Variants in RIMS2 observed in about 807,000 individuals in gnomAD.
RIMS2 encodes the protein regulating synaptic membrane exocytosis protein 2.
A neutral mutation model predicts 174.4 loss-of-function variants in RIMS2; 59 were observed. That is an observed-to-expected ratio of 0.34 (90% confidence interval 0.27 to 0.42). RIMS2 has a LOEUF of 0.42. Among genes scored for constraint, RIMS2 ranks in the 10% least tolerant of loss-of-function variants. The probability of loss-of-function intolerance (pLI) is 1.00; values close to 1 mark genes in which losing one functional copy is unlikely to be tolerated. For missense variants in RIMS2, 1,620 were observed against 1,666.3 expected, an observed-to-expected ratio of 0.97 and a Z score of 0.48; for synonymous variants, 606 against 572.5, an observed-to-expected ratio of 1.06 and a Z score of -0.84.
At chr8:104,092,697 G>A (rs1246390992) in intron 19 of RIMS2, among the ~76,000 whole-genome samples, 1 of 151,774 alleles carries the variant, frequency 6.6e-6, no homozygotes, top group African/African-American at 2.4e-5. Flanking sequence ...AGACTCCAAA[G>A]TCTATCCTTT....
At chr8:103,787,300 C>T (rs1309779627) in intron 3 of RIMS2, among the ~76,000 whole-genome samples, 1 of 151,620 alleles carries the variant, frequency 6.6e-6, no homozygotes, top group African/African-American at 2.4e-5. Context: ...ATGTGTGAAT[C>T]TGATCTTGTC....
At chr8:103,959,884 G>C (rs1188674960) in intron 14 of RIMS2, among the ~76,000 whole-genome samples, 1 of 152,092 alleles carries the variant, frequency 6.6e-6, no homozygotes, top group African/African-American at 2.4e-5. Context: ...AGCACTAAAT[G>C]CCCACAAGAG....
chr8:103,931,340 A>G, exon 12 of RIMS2: 3 of 1,604,012 alleles, frequency 1.9e-6, no homozygotes, highest in Non-Finnish European at 2.6e-6. Flanking sequence ...CTTCCAGGGA[A>G]GATGGGAGGC....
At chr8:103,507,558 T>G (rs1290633859) in intron 1 of RIMS2, among the ~76,000 whole-genome samples, 1 of 152,068 alleles carries the variant, frequency 6.6e-6, no homozygotes, top group Non-Finnish European at 1.5e-5. Flanking sequence ...AAAAAAAGAT[T>G]TGCTTATGTA....
chr8:103,749,637 A>G (rs1436904990), intron 2 of RIMS2, among the ~76,000 whole-genome samples: 1 of 152,122 alleles, frequency 6.6e-6, no homozygotes, highest in Non-Finnish European at 1.5e-5. Context: ...TTTCATGCTT[A>G]TTACTGGAAG....
intron 4 of RIMS2, among the ~76,000 whole-genome samples, chr8:103,909,889 A>G (rs911929692): frequency 6.6e-6 from 1 of 151,300 alleles, no homozygotes; most frequent in Non-Finnish European, 1.5e-5. Flanking sequence ...TTTTTGCAGG[A>G]CTTTTGTAGG....
At chr8:103,909,991 T>TAC in intron 4 of RIMS2, 1 of 164,458 alleles carries the variant, frequency 6.1e-6, no homozygotes, top group South Asian at 1.3e-4. Context: ...TAGCACTCAC[T>TAC]ATATATATAT....
intron 3 of RIMS2, among the ~76,000 whole-genome samples, chr8:103,856,400 TACTA>T: frequency 6.6e-6 from 1 of 152,352 alleles, no homozygotes; most frequent in African/African-American, 2.4e-5. Flanking sequence ...AGTTTTAACT[TACTA>T]ACGTGTCACA....
At chr8:103,993,069 G>A (rs1429586621) in intron 17 of RIMS2, among the ~76,000 whole-genome samples, 4 of 152,084 alleles carry the variant, frequency 2.6e-5, no homozygotes, top group African/African-American at 7.2e-5. Flanking sequence ...AGGCGAGATC[G>A]CGCCACTGCA....
intron 19 of RIMS2, among the ~76,000 whole-genome samples, chr8:104,230,055 G>A (rs1330704155): frequency 5.9e-5 from 9 of 152,028 alleles, no homozygotes; most frequent in South Asian, 2.1e-4. Context: ...TGAGGTGGGC[G>A]GATCACCTGA....
chr8:103,808,055 C>T (rs1358738198), intron 3 of RIMS2, among the ~76,000 whole-genome samples: 1 of 152,054 alleles, frequency 6.6e-6, no homozygotes, highest in Non-Finnish European at 1.5e-5. Flanking sequence ...GATGTCTATT[C>T]CTAGACTACA....
At chr8:103,842,525 G>A (rs1228068166) in intron 3 of RIMS2, among the ~76,000 whole-genome samples, 2 of 151,826 alleles carry the variant, frequency 1.3e-5, no homozygotes, top group Admixed American at 1.3e-4. Flanking sequence ...TTACTGCTTA[G>A]GCCTTTTCTT....
chr8:104,078,708 G>A (rs1380180501), intron 19 of RIMS2, among the ~76,000 whole-genome samples: 2 of 152,166 alleles, frequency 1.3e-5, no homozygotes, highest in African/African-American at 4.8e-5. Context: ...CATTGTGAAA[G>A]CATATTTGAT....
chr8:103,604,057 A>T (rs1438047399), intron 1 of RIMS2, among the ~76,000 whole-genome samples: 3 of 149,486 alleles, frequency 2.0e-5, no homozygotes, highest in Non-Finnish European at 3.0e-5. Flanking sequence ...GGTGTTTTAG[A>T]CATGAAGTCC....
rs543911216 is a variant in RIMS2, at chr8:103,684,122, A to G, written c.177-12964A>G. ...AGTAAAATTTACCTCTTTTTTGTAT[A>G]TAGTTGAGTGAGTTTTGACAAACAT... On this transcript the variant is annotated intron_variant, in intron 1 of 23. Coordinates refer to ENST00000504942, the Ensembl canonical transcript of RIMS2. Among the ~76,000 whole-genome samples the G allele has an allele frequency of 7.2e-4, 109 of 152,224 alleles. 1 individual carries two copies. Among genetic ancestry groups the G allele is most frequent in the Non-Finnish European group, 1.2e-3 (83 of 67,998 alleles).
intron 19 of RIMS2, among the ~76,000 whole-genome samples, chr8:104,015,889 G>T (rs527620225): frequency 1.3e-4 from 20 of 152,044 alleles, no homozygotes; most frequent in African/African-American, 4.6e-4. Flanking sequence ...ATTAAATTTG[G>T]CTTTCTAGAA....
intron 1 of RIMS2, among the ~76,000 whole-genome samples, chr8:103,580,825 C>CTT (rs61559970): frequency 0.054 from 6,080 of 113,224 alleles, 798 homozygotes; most frequent in African/African-American, 0.18. Context: ...AAAGGGAATA[C>CTT]TTTTTTTTTT....
At chr8:103,784,894 C>T (rs2098426381) in intron 3 of RIMS2, among the ~76,000 whole-genome samples, 1 of 133,778 alleles carries the variant, frequency 7.5e-6, no homozygotes, top group Admixed American at 7.6e-5. Context: ...ATTCTTCCTA[C>T]CCATGAGCAT....
At chr8:103,606,736 A>G (rs1463138200) in intron 1 of RIMS2, among the ~76,000 whole-genome samples, 1 of 152,050 alleles carries the variant, frequency 6.6e-6, no homozygotes, top group Non-Finnish European at 1.5e-5. Flanking sequence ...TGTTGAATTG[A>G]TCCCTTTACC....
Sources: gnomAD v4.1 joint callset for allele counts (sites outside exome capture counted in the v4.1 genomes callset) on GRCh38, gnomAD v4.1.1 for gene constraint, MANE v1.5 for transcripts, NCBI Gene and HGNC (gene_info 2026-07-23, HGNC 2026-07-21) for gene names.